Variants in DLG2 observed in about 807,000 individuals in gnomAD.
DLG2 encodes disks large homolog 2.
A neutral mutation model predicts 132.5 loss-of-function variants in DLG2; 45 were observed. The ratio of observed to expected loss-of-function variants is 0.34; its 90% CI spans 0.27 to 0.44. The LOEUF (loss-of-function observed/expected upper bound fraction) is 0.44. Among genes scored for constraint, DLG2 ranks in the 20% least tolerant of loss-of-function variants. The pLI is 1.00. For missense variants in DLG2, 1,045 were observed against 1,196.9 expected, an observed-to-expected ratio of 0.87 and a Z score of 1.87; for synonymous variants, 424 against 419.6, an observed-to-expected ratio of 1.01 and a Z score of -0.13.
chr11:84,263,841 T>C (rs532686884), intron 7 of DLG2, among the ~76,000 whole-genome samples: 3 of 152,314 alleles, frequency 2.0e-5, no homozygotes, highest in African/African-American at 7.2e-5. Context: ...GAGTTTTAGT[T>C]TGCTGTTATC....
intron 7 of DLG2, among the ~76,000 whole-genome samples, chr11:84,281,844 T>C (rs2097857859): frequency 6.6e-6 from 1 of 152,150 alleles, no homozygotes; most frequent in African/African-American, 2.4e-5. Flanking sequence ...GAATGGTTAA[T>C]ATTTAAAAAG....
chr11:83,715,824 A>G (rs1243893790), intron 18 of DLG2, among the ~76,000 whole-genome samples: 1 of 151,946 alleles, frequency 6.6e-6, no homozygotes, highest in Non-Finnish European at 1.5e-5. Context: ...CTACTTTTCT[A>G]CTTACTGTTC....
At position 83,965,332 on chromosome 11, in the gene DLG2, A is replaced by G; in HGVS notation, c.1193T>C (p.Ile398Thr). 1 of 1,608,886 alleles carries G rather than the reference A, an allele frequency of 6.2e-7. No homozygotes were observed. The highest frequency in any genetic ancestry group is 2.2e-5 in the East Asian group (1 of 44,716). ...ATGACAATGGTACTTACAGTGAGTA[A>G]TATCAGGTGGACCATAAGGATCAGT... is the stretch of plus-strand genomic sequence containing the variant. ...YMTDPYGPPD[I>T]THSYSPPMEN... is the part of the protein sequence containing the mutation. Residue 398 changes from isoleucine to threonine, a missense_variant, in exon 13 of 28, where the codon ATT (isoleucine) becomes ACT (threonine). Coordinates refer to ENST00000376104, the MANE Select transcript of DLG2 (RefSeq NM_001142699.3).
intron 7 of DLG2, among the ~76,000 whole-genome samples, chr11:84,457,103 A>T (rs893430439): frequency 2.6e-5 from 4 of 151,278 alleles, no homozygotes; most frequent in African/African-American, 9.7e-5. Context: ...ATTAACAGGT[A>T]TTAGGTACAA....
chr11:84,435,027 T>G (rs1230320568), intron 7 of DLG2, among the ~76,000 whole-genome samples: 2 of 152,058 alleles, frequency 1.3e-5, no homozygotes, highest in Non-Finnish European at 2.9e-5. Context: ...ATATGATCTT[T>G]CACAATTAAG....
At chr11:84,868,603 G>T (rs569800012) in intron 6 of DLG2, among the ~76,000 whole-genome samples, 3 of 152,250 alleles carry the variant, frequency 2.0e-5, no homozygotes, top group African/African-American at 7.2e-5. Context: ...ACTTTTGAAA[G>T]GAAATAGGAG....
At chr11:84,983,227 C>A (rs138343201) in intron 6 of DLG2, among the ~76,000 whole-genome samples, 1 of 152,140 alleles carries the variant, frequency 6.6e-6, no homozygotes, top group Non-Finnish European at 1.5e-5. Context: ...CTGAAGGAAG[C>A]GGATTGCTCC....
At chr11:84,271,004 T>C (rs1177448772) in intron 7 of DLG2, among the ~76,000 whole-genome samples, 1 of 152,158 alleles carries the variant, frequency 6.6e-6, no homozygotes, top group African/African-American at 2.4e-5. Context: ...TGAAAATACA[T>C]GTGTGTACAT....
At chr11:83,520,642 GATA>G in intron 21 of DLG2, among the ~76,000 whole-genome samples, 1 of 115,176 alleles carries the variant, frequency 8.7e-6, no homozygotes, top group African/African-American at 5.5e-5. Context: ...TAGGTAGGTA[GATA>G]GATAGATAGA....
chr11:84,663,295 G>C (rs543665888), intron 6 of DLG2, among the ~76,000 whole-genome samples: 1 of 149,756 alleles, frequency 6.7e-6, no homozygotes, highest in Non-Finnish European at 1.5e-5. Flanking sequence ...TTGTGAGATA[G>C]ACTCTTGGCT....
intron 8 of DLG2, among the ~76,000 whole-genome samples, chr11:84,196,907 C>T (rs1597213783): frequency 6.6e-6 from 1 of 151,740 alleles, no homozygotes; most frequent in East Asian, 1.9e-4. Flanking sequence ...CATGGTGGCC[C>T]ACGCCTGTAA....
At chr11:84,044,662 A>G (rs2096198829) in intron 11 of DLG2, among the ~76,000 whole-genome samples, 2 of 151,670 alleles carry the variant, frequency 1.3e-5, no homozygotes, top group South Asian at 4.2e-4. Flanking sequence ...AAATTTCTCT[A>G]ATTTGGAGTG....
intron 5 of DLG2, among the ~76,000 whole-genome samples, chr11:85,122,949 T>TTATATATATATATATATATTA (rs2074526943): frequency 5.4e-4 from 26 of 48,162 alleles, no homozygotes; most frequent in Admixed American, 1.3e-3. Flanking sequence ...TGTATATATA[T>TTATATATATATATATATATTA]TATATATATA....
chr11:83,645,877 T>C (rs974628327), intron 18 of DLG2: 1 of 152,116 alleles, frequency 6.6e-6, no homozygotes, highest in Non-Finnish European at 1.5e-5. Context: ...AAATTTATTC[T>C]CCATCTCCTT....
chr11:83,788,981 C>A (rs2040767718), intron 17 of DLG2, among the ~76,000 whole-genome samples: 1 of 152,108 alleles, frequency 6.6e-6, no homozygotes, highest in Non-Finnish European at 1.5e-5. Context: ...CATTTCTTTA[C>A]AATTTTTTAA....
chr11:85,037,796 G>T (rs577516891), intron 6 of DLG2, among the ~76,000 whole-genome samples: 36 of 152,220 alleles, frequency 2.4e-4, no homozygotes, highest in African/African-American at 8.7e-4. Context: ...GGAAGAGACA[G>T]TTTCTAAAAT....
chr11:84,208,621 GGCAT>G (rs2096709399), intron 8 of DLG2, among the ~76,000 whole-genome samples: 1 of 151,938 alleles, frequency 6.6e-6, no homozygotes, highest in South Asian at 2.1e-4. Context: ...TGGGATTACA[GGCAT>G]GAGCCACCAC....
intron 21 of DLG2, among the ~76,000 whole-genome samples, chr11:83,485,318 A>C (rs1275517612): frequency 6.6e-6 from 1 of 152,168 alleles, no homozygotes; most frequent in Non-Finnish European, 1.5e-5. Flanking sequence ...GTTCTTATGC[A>C]AATGTTTTGT....
chr11:84,991,546 A>C lies in DLG2; in HGVS notation c.357+120115T>G, dbSNP rs2057124703. 4.0e-5 allele frequency among the ~76,000 whole-genome samples: 6 copies of C among 151,828 alleles called. No individual in the cohort carries two copies. The South Asian group carries it at 1.2e-3, about 31-fold the overall frequency. ...AAAAAAGAAAGAAAGAAAGGAAGAA[A>C]GAAAAATAAAGAAAAGGAGGAGGAG... On this transcript the variant is annotated intron_variant, in intron 6 of 27. Transcript: ENST00000376104.
Sources: allele counts gnomAD v4.1 joint callset (sites outside exome capture counted in the v4.1 genomes callset), GRCh38; gene constraint gnomAD v4.1.1; transcripts MANE v1.5; gene names NCBI Gene and HGNC (gene_info 2026-07-23, HGNC 2026-07-21).